COBL: variants seen among roughly 807,000 people sequenced by gnomAD.
The protein encoded by COBL is cordon-bleu WH2 repeat protein.
A neutral mutation model predicts 98.8 loss-of-function variants in COBL; 51 were observed. The observed-to-expected ratio is 0.52, with a 90% CI of 0.41 to 0.65. COBL has a LOEUF of 0.65. Ranked by LOEUF, COBL falls within the 30% of genes least tolerant of loss-of-function variation. The pLI is 0.00. For synonymous variants in COBL, 634 were observed against 651.7 expected, an observed-to-expected ratio of 0.97 and a Z score of 0.41; for missense variants, 1,617 against 1,617.5, an observed-to-expected ratio of 1.00 and a Z score of 0.01.
At chr7:51,134,996 C>T (rs1799098776) in intron 6 of COBL, among the ~76,000 whole-genome samples, 1 of 151,820 alleles carries the variant, frequency 6.6e-6, no homozygotes, top group South Asian at 2.1e-4. Context: ...GAGTTTCTCT[C>T]TTGTCACCCA....
At chr7:51,303,738 A>T (rs1457698816) in intron 1 of COBL, among the ~76,000 whole-genome samples, 1 of 152,230 alleles carries the variant, frequency 6.6e-6, no homozygotes, top group Non-Finnish European at 1.5e-5. Context: ...CAGGGAAGGT[A>T]CAAATGTATA....
At chr7:51,111,560 T>C (rs1038949414) in intron 6 of COBL, among the ~76,000 whole-genome samples, 6 of 152,298 alleles carry the variant, frequency 3.9e-5, no homozygotes, top group Middle Eastern at 3.4e-3. Flanking sequence ...CACCTCAGCC[T>C]CAGCACGGAG....
chr7:51,275,084 T>C (rs1799172520), intron 1 of COBL, among the ~76,000 whole-genome samples: 1 of 152,142 alleles, frequency 6.6e-6, no homozygotes, highest in Non-Finnish European at 1.5e-5. Flanking sequence ...AAGACAGGGC[T>C]GAAGAGGACG....
intron 1 of COBL, among the ~76,000 whole-genome samples, chr7:51,276,583 C>T (rs2129171011): frequency 6.6e-6 from 1 of 152,296 alleles, no homozygotes; most frequent in East Asian, 1.9e-4. Flanking sequence ...GGAACACCTC[C>T]AACCCGCCAG....
At chr7:51,284,129 C>CAAAAAAAAAAAAAAAAAA in intron 1 of COBL, among the ~76,000 whole-genome samples, 1 of 66,246 alleles carries the variant, frequency 1.5e-5, no homozygotes, top group Non-Finnish European at 2.6e-5. Flanking sequence ...ACCAAAAATA[C>CAAAAAAAAAAAAAAAAAA]AAAAAAAAAA....
At chr7:51,142,536 A>G (rs1348744558) in intron 5 of COBL, among the ~76,000 whole-genome samples, 1 of 151,958 alleles carries the variant, frequency 6.6e-6, no homozygotes, top group Non-Finnish European at 1.5e-5. Context: ...GGAGCGTGCC[A>G]CCACGCCCGG....
At chr7:51,258,180 A>G (rs1797371481) in intron 1 of COBL, among the ~76,000 whole-genome samples, 2 of 152,242 alleles carry the variant, frequency 1.3e-5, no homozygotes, top group African/African-American at 2.4e-5. Flanking sequence ...TTAAAAGTGT[A>G]TAACTCTTCA....
At chr7:51,293,630 A>G (rs1002059009) in intron 1 of COBL, among the ~76,000 whole-genome samples, 1 of 152,236 alleles carries the variant, frequency 6.6e-6, no homozygotes, top group Non-Finnish European at 1.5e-5. Flanking sequence ...GGTGTCACAC[A>G]CATCAAAATT....
intron 6 of COBL, among the ~76,000 whole-genome samples, chr7:51,131,701 C>T (rs1296633715): frequency 6.6e-6 from 1 of 151,880 alleles, no homozygotes; most frequent in Non-Finnish European, 1.5e-5. Flanking sequence ...TCAAGTGATT[C>T]TCCCGCCTCA....
intron 6 of COBL, among the ~76,000 whole-genome samples, chr7:51,135,484 G>A (rs948591125): frequency 2.0e-5 from 3 of 152,082 alleles, no homozygotes; most frequent in South Asian, 2.1e-4. Context: ...TGGACAGAAC[G>A]ACAAGCAGGC....
intron 1 of COBL, among the ~76,000 whole-genome samples, chr7:51,300,305 C>A (rs542734945): frequency 9.3e-4 from 142 of 152,214 alleles, no homozygotes; most frequent in African/African-American, 3.3e-3. Context: ...AGATTACAGG[C>A]ACCCACCACC....
chr7:51,243,853 G>A (rs563134800), intron 1 of COBL, among the ~76,000 whole-genome samples: 25 of 151,580 alleles, frequency 1.6e-4, no homozygotes, highest in African/African-American at 6.1e-4. Flanking sequence ...GGACGTGCAC[G>A]TGGCGGGCAC....
chr7:51,105,441 G>A (rs1796172296), intron 6 of COBL, among the ~76,000 whole-genome samples: 1 of 152,176 alleles, frequency 6.6e-6, no homozygotes, highest in Non-Finnish European at 1.5e-5. Context: ...GCCTACTGCA[G>A]GGTTGGTGTA....
intron 1 of COBL, among the ~76,000 whole-genome samples, chr7:51,291,675 C>T (rs1800907538): frequency 6.6e-6 from 1 of 151,898 alleles, no homozygotes; most frequent in African/African-American, 2.4e-5. Flanking sequence ...GAAGGGGAAT[C>T]ACTTGAACCC....
At position 51,025,248 on chromosome 7, in the gene COBL, G is replaced by GA; in HGVS notation, c.3628_3629insT (p.Pro1210LeufsTer78). ...AGAGAGAGCCTGGGAGGGTGGAGGGGGTGGTGGGGGAATGGCTGGTGGGGA... is the reference window on the plus strand; with the variant it reads ...AGAGAGAGCCTGGGAGGGTGGAGGGGAGTGGTGGGGGAATGGCTGGTGGGGA... On this transcript the variant is annotated frameshift_variant, in exon 12 of 13. Transcript: ENST00000265136. LOFTEE classifies it high-confidence loss of function. The GA allele has an allele frequency of 6.2e-7, 1 of 1,608,922 alleles. No individual in the cohort carries two copies. Among genetic ancestry groups the GA allele is most frequent in the Non-Finnish European group, 8.5e-7 (1 of 1,178,506 alleles).
intron 6 of COBL, among the ~76,000 whole-genome samples, chr7:51,131,156 C>T (rs966251369): frequency 5.3e-5 from 8 of 152,124 alleles, no homozygotes; most frequent in African/African-American, 1.9e-4. Flanking sequence ...GAGAAACAGA[C>T]TTCTCAAGTT....
chr7:51,236,154 C>T (rs536663370), intron 1 of COBL, among the ~76,000 whole-genome samples: 16 of 152,252 alleles, frequency 1.1e-4, no homozygotes, highest in Admixed American at 5.2e-4. Context: ...TAGCCAGGAA[C>T]GGTCATCCCA....
chr7:51,164,828 C>T (rs1324419746), intron 5 of COBL, among the ~76,000 whole-genome samples: 4 of 151,776 alleles, frequency 2.6e-5, no homozygotes, highest in East Asian at 3.9e-4. Context: ...ATAGACAGTA[C>T]AATAAGATAT....
chr7:51,154,617 G>T (rs368661086), intron 5 of COBL, among the ~76,000 whole-genome samples: 2 of 152,176 alleles, frequency 1.3e-5, no homozygotes. Flanking sequence ...CTGAGAATCC[G>T]TGGCTGGGCC....
Sources: allele counts gnomAD v4.1 joint callset (sites outside exome capture counted in the v4.1 genomes callset), GRCh38; gene constraint gnomAD v4.1.1; transcripts MANE v1.5; gene names NCBI Gene and HGNC (gene_info 2026-07-23, HGNC 2026-07-21).